PCGF3: variants seen among roughly 807,000 people sequenced by gnomAD.
The protein encoded by PCGF3 is polycomb group ring finger 3.
A neutral mutation model predicts 33.1 loss-of-function variants in PCGF3; 7 were observed. That is an observed-to-expected ratio of 0.21 (90% CI 0.12 to 0.40). The LOEUF is 0.40. Among genes scored for constraint, PCGF3 ranks in the 10% least tolerant of loss-of-function variants. The probability of loss-of-function intolerance (pLI) is 1.00; values close to 1 mark genes in which losing one functional copy is unlikely to be tolerated. For missense variants in PCGF3, 211 were observed against 313.3 expected, an observed-to-expected ratio of 0.67 and a Z score of 2.46; for synonymous variants, 153 against 121.3, an observed-to-expected ratio of 1.26 and a Z score of -1.72.
chr4:733,603 CAG>C (rs973357579), intron 3 of PCGF3, 67 bp from the exon 4 acceptor site: 1 of 1,484,892 alleles, frequency 6.7e-7, no homozygotes, highest in African/African-American at 1.4e-5. Flanking sequence ...GGGCGGCTGT[CAG>C]AGCTCAGCCA....
At chr4:743,011 G>T (rs1401530320) in intron 6 of PCGF3, among the ~76,000 whole-genome samples, 1 of 152,224 alleles carries the variant, frequency 6.6e-6, no homozygotes, top group East Asian at 1.9e-4. Flanking sequence ...AGCGTGGGGG[G>T]AACCCAGTGG....
intron 9 of PCGF3, among the ~76,000 whole-genome samples, chr4:763,774 C>G (rs1446481639): frequency 1.3e-5 from 2 of 152,230 alleles, no homozygotes. Context: ...TAGCATCTTT[C>G]TTCATAATTA....
At chr4:754,140 T>C (rs1744660779) in intron 8 of PCGF3, among the ~76,000 whole-genome samples, 1 of 152,050 alleles carries the variant, frequency 6.6e-6, no homozygotes, top group African/African-American at 2.4e-5. Context: ...ACTTGGTGGG[T>C]GTGATGTCCC....
At chr4:734,048 G>A (rs1486162075) in intron 4 of PCGF3, 8 of 1,550,554 alleles carry the variant, frequency 5.2e-6, no homozygotes, top group Non-Finnish European at 5.2e-6. Flanking sequence ...CTCCCACGGA[G>A]CAGCAAGGCC....
At chr4:767,146 A>AG (rs1203792157) in exon 11 of PCGF3, 1 of 152,220 alleles carries the variant, frequency 6.6e-6, no homozygotes, top group African/African-American at 2.4e-5. Context: ...TCAGAGCTGC[A>AG]GGGACAGGGT....
chr4:719,023 T>G (rs1742969909), intron 1 of PCGF3, among the ~76,000 whole-genome samples: 2 of 152,212 alleles, frequency 1.3e-5, no homozygotes, highest in African/African-American at 4.8e-5. Context: ...GGCACTATCT[T>G]GGCTCATTGC....
rs114119746 is a variant in PCGF3, at chr4:711,931, C to T, written c.-190+5961C>T. On this transcript the variant is annotated intron_variant, in intron 1 of 10. Coordinates refer to ENST00000362003, the Ensembl canonical transcript of PCGF3. ...ATCTGAGATTGCACTCCAGACTGGG[C>T]GAAGAGTGAGACTCTGTCTGAAAAA... Among the ~76,000 whole-genome samples, 1,261 of 144,222 alleles carry T rather than the reference C, an allele frequency of 8.7e-3. 9 individuals are homozygous for T. Among genetic ancestry groups the T allele is most frequent in the Non-Finnish European group, 0.015 (971 of 66,704 alleles). 94.6% of individuals were successfully genotyped at this position (144,222 alleles called of 152,430 possible). A position where few individuals can be genotyped will look rare whatever the true frequency, so the allele number is the denominator to read the frequency against.
At chr4:727,016 C>T (rs1297522873) in intron 1 of PCGF3, among the ~76,000 whole-genome samples, 1 of 152,130 alleles carries the variant, frequency 6.6e-6, no homozygotes, top group Non-Finnish European at 1.5e-5. Context: ...TGTGTGCGCT[C>T]CTGCGTCTGC....
chr4:711,838 G>A (rs1467083048), intron 1 of PCGF3, among the ~76,000 whole-genome samples: 1 of 151,676 alleles, frequency 6.6e-6, no homozygotes, highest in Non-Finnish European at 1.5e-5. Context: ...GTGGGCACCT[G>A]TAATCCCAGC....
At chr4:752,406 G>A (rs1365502381) in intron 8 of PCGF3, among the ~76,000 whole-genome samples, 1 of 152,160 alleles carries the variant, frequency 6.6e-6, no homozygotes, top group Admixed American at 6.5e-5. Flanking sequence ...TTTAATTCCA[G>A]AACTCTCCTT....
At chr4:744,291 G>A (rs1253172018) in intron 7 of PCGF3, among the ~76,000 whole-genome samples, 1 of 152,246 alleles carries the variant, frequency 6.6e-6, no homozygotes, top group Non-Finnish European at 1.5e-5. Context: ...GCACTGAGCA[G>A]CTCCGGGCGG....
chr4:734,265 G>C, intron 4 of PCGF3: 1 of 1,471,828 alleles, frequency 6.8e-7, no homozygotes, highest in Non-Finnish European at 9.0e-7. Flanking sequence ...TGACGGGCAG[G>C]TGCCATCCAT....
Position 709,817 on chromosome 4 carries a change from C to T in PCGF3, c.-190+3847C>T, listed in dbSNP as rs1387205000. Among the ~76,000 whole-genome samples, 5 of 152,234 alleles carry T rather than the reference C, an allele frequency of 3.3e-5. 1 individual carries two copies. Among genetic ancestry groups the T allele is most frequent in the Admixed American group, 2.6e-4 (4 of 15,276 alleles). On this transcript the variant is annotated intron_variant, in intron 1 of 10. Transcript: ENST00000362003. The stretch of plus-strand genomic sequence containing the variant: ...ATTTCAGGGTACTCAGTGTCAGCCA[C>T]GTCGTGTCCCTGCGTGGTCAGCCTG...
chr4:734,101 C>T (rs768100395), intron 4 of PCGF3: 3 of 1,550,700 alleles, frequency 1.9e-6, no homozygotes, highest in Non-Finnish European at 8.7e-7. Flanking sequence ...GTTTCCAAAT[C>T]TCCAGAGGAG....
intron 4 of PCGF3, chr4:734,705 T>C: frequency 7.4e-7 from 1 of 1,345,946 alleles, no homozygotes. Context: ...TTCCTAACCC[T>C]GCCTCTTTGA....
At chr4:764,857 A>C (rs944796113) in intron 9 of PCGF3, 127 bp from the exon 10 acceptor site, 3 of 641,540 alleles carry the variant, frequency 4.7e-6, no homozygotes, top group South Asian at 1.8e-5. Context: ...AGCCCCCCCC[A>C]CCCCATCTCT....
intron 8 of PCGF3, among the ~76,000 whole-genome samples, chr4:755,521 T>C (rs1744731422): frequency 6.6e-6 from 1 of 152,234 alleles, no homozygotes; most frequent in Non-Finnish European, 1.5e-5. Flanking sequence ...CTTCGACCTA[T>C]CATCATCCAC....
At chr4:735,104 C>A in intron 5 of PCGF3, 77 bp downstream of exon 5, 2 of 1,473,912 alleles carry the variant, frequency 1.4e-6, no homozygotes, top group South Asian at 2.5e-5. Context: ...CCTTCCCAGG[C>A]CATTAGCGCT....
At chr4:762,295 C>A in intron 9 of PCGF3, 1 of 194,684 alleles carries the variant, frequency 5.1e-6, no homozygotes, top group South Asian at 1.8e-4. Context: ...AGACAGGAGG[C>A]CCTGGTGAGG....
Sources: gnomAD v4.1 joint callset for allele counts (sites outside exome capture counted in the v4.1 genomes callset) on GRCh38, gnomAD v4.1.1 for gene constraint, MANE v1.5 for transcripts, NCBI Gene and HGNC (gene_info 2026-07-23, HGNC 2026-07-21) for gene names.